FBN1: variants seen among roughly 807,000 people sequenced by gnomAD.
The protein encoded by FBN1 is fibrillin-1.
Under a neutral mutation model 365.1 loss-of-function variants are expected in FBN1, and 29 were observed. The ratio of observed to expected loss-of-function variants is 0.08; its 90% CI spans 0.06 to 0.11. The LOEUF (loss-of-function observed/expected upper bound fraction) is 0.11. Among genes scored for constraint, FBN1 ranks in the 10% least tolerant of loss-of-function variants. The pLI is 1.00. For synonymous variants in FBN1, 1,210 were observed against 1,270.5 expected, an observed-to-expected ratio of 0.95 and a Z score of 1.01; for missense variants, 2,476 against 3,703.2, an observed-to-expected ratio of 0.67 and a Z score of 8.60.
intron 9 of FBN1, among the ~76,000 whole-genome samples, chr15:48,525,254 T>G (rs1377477694): frequency 1.3e-5 from 2 of 151,968 alleles, no homozygotes; most frequent in African/African-American, 4.8e-5. Flanking sequence ...GCCTGGCAAA[T>G]TTTTGTATTT....
intron 6 of FBN1, among the ~76,000 whole-genome samples, chr15:48,551,346 C>G (rs984634299): frequency 2.6e-4 from 39 of 152,162 alleles, no homozygotes; most frequent in African/African-American, 9.4e-4. Flanking sequence ...CTGCAAGACA[C>G]ACCTTTTAAT....
At position 48,474,551 on chromosome 15, in the gene FBN1, A is replaced by G. The variant is rs773621768; in HGVS notation, c.4064T>C (p.Ile1355Thr). The G allele has an allele frequency of 2.5e-6, 4 of 1,614,022 alleles. No homozygotes were observed. Among genetic ancestry groups the G allele is most frequent in the East Asian group, 2.2e-5 (1 of 44,898 alleles). ...ACCAGTGCACTTAATGCCATCTCCA[A>G]TCCACCCGGGACTGCAGCTACATTT... ...SFKCSCSPGW[I>T]GDGIKCTDLD... Residue 1355 changes from isoleucine to threonine, a missense_variant, in exon 33 of 66, where the codon ATT (isoleucine) becomes ACT (threonine). Physicochemically the swap from Ile to Thr is moderately conservative, Grantham distance 89 (BLOSUM62 -1). Transcript: ENST00000316623.
At chr15:48,541,778 A>T in intron 6 of FBN1, among the ~76,000 whole-genome samples, 1 of 149,564 alleles carries the variant, frequency 6.7e-6, no homozygotes, top group Admixed American at 6.6e-5. Context: ...GAGTGTGCTT[A>T]ACTCAAAGCT....
At chr15:48,464,425 A>C (rs2043304185) in intron 40 of FBN1, among the ~76,000 whole-genome samples, 1 of 152,206 alleles carries the variant, frequency 6.6e-6, no homozygotes, top group African/African-American at 2.4e-5. Context: ...CTGAGGCAGG[A>C]GAATTGCTTG....
At chr15:48,610,683 T>C (rs745784380) in intron 4 of FBN1, 45 bp downstream of exon 4, 22 of 1,428,544 alleles carry the variant, frequency 1.5e-5, no homozygotes, top group Non-Finnish European at 2.1e-5. Context: ...AAATGGGGTA[T>C]AACCACATAA....
intron 9 of FBN1, among the ~76,000 whole-genome samples, chr15:48,523,575 A>C (rs898810009): frequency 6.6e-6 from 1 of 152,206 alleles, no homozygotes; most frequent in African/African-American, 2.4e-5. Flanking sequence ...TTATAATTTT[A>C]ATGAAAACCT....
intron 8 of FBN1, 22 bp downstream of exon 8, chr15:48,534,058 T>A: frequency 4.9e-5 from 79 of 1,612,148 alleles, no homozygotes; most frequent in Non-Finnish European, 6.7e-5. Flanking sequence ...ACCCCCCAAC[T>A]GCAAAGCATA....
intron 6 of FBN1, among the ~76,000 whole-genome samples, chr15:48,546,142 G>A (rs575171768): frequency 4.6e-5 from 7 of 152,202 alleles, no homozygotes; most frequent in East Asian, 1.9e-4. Flanking sequence ...TAATGCATTC[G>A]ACAAATACTT....
intron 9 of FBN1, among the ~76,000 whole-genome samples, chr15:48,523,768 G>T (rs2043882728): frequency 6.6e-6 from 1 of 151,832 alleles, no homozygotes. Context: ...GTAAGGGGTG[G>T]CTGTAGAATA....
intron 50 of FBN1, among the ~76,000 whole-genome samples, chr15:48,440,852 A>G (rs1190867630): frequency 6.6e-6 from 1 of 151,132 alleles, no homozygotes; most frequent in Non-Finnish European, 1.5e-5. Context: ...AATGATATCC[A>G]GTGCCTCTTC....
intron 8 of FBN1, among the ~76,000 whole-genome samples, chr15:48,528,043 T>A (rs943207033): frequency 6.6e-6 from 1 of 152,252 alleles, no homozygotes; most frequent in Non-Finnish European, 1.5e-5. Context: ...AAGCTATAAT[T>A]GTAATTAAGA....
chr15:48,596,861 T>A (rs2044520077), intron 5 of FBN1, among the ~76,000 whole-genome samples: 2 of 152,228 alleles, frequency 1.3e-5, no homozygotes, highest in African/African-American at 4.8e-5. Flanking sequence ...AGTACCATAA[T>A]GAAAATCCAA....
At chr15:48,580,914 G>A (rs2044386272) in intron 6 of FBN1, among the ~76,000 whole-genome samples, 1 of 152,166 alleles carries the variant, frequency 6.6e-6, no homozygotes, top group African/African-American at 2.4e-5. Flanking sequence ...CACCAAAACA[G>A]AGACTAAAAC....
In FBN1 at chr15:48,520,667, C is replaced by T. The variant is rs541960429; in HGVS notation, c.1139G>A (p.Arg380Lys). 2 of 1,614,092 alleles carry T rather than the reference C, an allele frequency of 1.2e-6. No homozygotes were observed. The highest frequency in any genetic ancestry group is 3.3e-5 in the Admixed American group (2 of 60,008). The change falls in exon 10 of 66, where the codon AGA becomes AAA. Residue 380 changes from arginine (R) to lysine (K), a missense_variant. Transcript: ENST00000316623. ...VTVAPEMCPI[R>K]ATEDFNKLCS... ...ACTGGAAGGGCTCTTACCGGTTGCT[C>T]TGATGGGACACATCTCAGGGGCGAC...
rs778867355 is a variant in FBN1 at position 48,488,236 on chromosome 15, C to T, written c.3214G>A (p.Asp1072Asn). Residue 1072 changes from aspartate to asparagine, a missense_variant, in exon 27 of 66, where the codon GAC (aspartate) becomes AAC (asparagine). By Grantham distance (23) the Asp-to-Asn change is conservative (BLOSUM62 1). This residue lies in a region of FBN1 where 1,780 missense variants were observed against 2,840.8 expected (regional missense o/e 0.63). Coordinates refer to ENST00000316623, the MANE Select transcript of FBN1 (RefSeq NM_000138.5). The part of the protein sequence containing the change: ...DSEERNCTDI[D>N]ECRISPDLCG... ...AGGTCAGGAGATATGCGGCATTCGT[C>T]AATGTCTGCACAAAAACAGCAAGTG... 3 of 1,614,206 alleles carry T rather than the reference C, an allele frequency of 1.9e-6. No individual in the cohort carries two copies. The highest frequency in any genetic ancestry group is 2.5e-6 in the Non-Finnish European group (3 of 1,180,034).
At chr15:48,429,626 T>C (rs1319395312) in intron 56 of FBN1, among the ~76,000 whole-genome samples, 8 of 152,178 alleles carry the variant, frequency 5.3e-5, no homozygotes, top group African/African-American at 1.9e-4. Flanking sequence ...TCAATCAGAA[T>C]ATCTGAGGTT....
chr15:48,642,026 G>A (rs1412276209), intron 2 of FBN1: 1 of 152,144 alleles, frequency 6.6e-6, no homozygotes, highest in Non-Finnish European at 1.5e-5. Flanking sequence ...AATAGCAAAA[G>A]ACTCAATGTA....
chr15:48,523,994 T>C (rs889651903), intron 9 of FBN1, among the ~76,000 whole-genome samples: 6 of 152,130 alleles, frequency 3.9e-5, no homozygotes, highest in Non-Finnish European at 5.9e-5. Context: ...TAAATAGGCG[T>C]TTGCAGGTCG....
At chr15:48,523,880 G>A (rs1270242962) in intron 9 of FBN1, among the ~76,000 whole-genome samples, 6 of 152,196 alleles carry the variant, frequency 3.9e-5, no homozygotes, top group South Asian at 4.1e-4. Context: ...GACATCTGGC[G>A]AAGAGGAGGA....
Sources: allele counts gnomAD v4.1 joint callset (sites outside exome capture counted in the v4.1 genomes callset), GRCh38; gene constraint gnomAD v4.1.1; regional missense constraint gnomAD v4.1.1; transcripts MANE v1.5; gene names NCBI Gene and HGNC (gene_info 2026-07-23, HGNC 2026-07-21).